The following LHPP variants were observed in gnomAD, a reference collection of about 807,000 sequenced individuals.
LHPP encodes phospholysine phosphohistidine inorganic pyrophosphate phosphatase.
Under a neutral mutation model 30.3 loss-of-function variants are expected in LHPP, and 24 were observed. The ratio of observed to expected loss-of-function variants is 0.79; its 90% CI spans 0.57 to 1.11. The LOEUF (loss-of-function observed/expected upper bound fraction) is 1.11. Ranked by LOEUF, LHPP falls within the 50% of genes most tolerant of loss-of-function variation. The pLI, the probability that LHPP is intolerant of heterozygous loss-of-function variation, is 0.00. For synonymous variants in LHPP, 150 were observed against 157.1 expected (o/e 0.95, Z 0.34); for missense variants, 356 against 367.2 (o/e 0.97, Z 0.25).
At chr10:124,558,098 C>T (rs1165116334) in intron 6 of LHPP, among the ~76,000 whole-genome samples, 2 of 152,128 alleles carry the variant, frequency 1.3e-5, no homozygotes, top group Admixed American at 6.5e-5. Flanking sequence ...GAAGCAGCCA[C>T]GTGGCTCCGT....
At chr10:124,581,702 A>G (rs961121956) in intron 6 of LHPP, among the ~76,000 whole-genome samples, 1 of 152,108 alleles carries the variant, frequency 6.6e-6, no homozygotes, top group African/African-American at 2.4e-5. Flanking sequence ...GGCCACCTGT[A>G]TGTCTTCCTT....
chr10:124,509,825 G>A (rs1017300627), intron 5 of LHPP, among the ~76,000 whole-genome samples: 3 of 151,916 alleles, frequency 2.0e-5, no homozygotes, highest in South Asian at 2.1e-4. Flanking sequence ...GCTGCTTCCC[G>A]CCCTAATCCT....
chr10:124,519,036 C>T (rs1954536562), intron 6 of LHPP, among the ~76,000 whole-genome samples: 1 of 152,204 alleles, frequency 6.6e-6, no homozygotes, highest in African/African-American at 2.4e-5. Flanking sequence ...CAACCTCCGC[C>T]TCCCAGGCTC....
chr10:124,546,822 G>A (rs1268926154), intron 6 of LHPP, among the ~76,000 whole-genome samples: 3 of 152,052 alleles, frequency 2.0e-5, no homozygotes, highest in Non-Finnish European at 4.4e-5. Flanking sequence ...TTGTCCACAG[G>A]CGTACTTACT....
intron 6 of LHPP, among the ~76,000 whole-genome samples, chr10:124,540,843 C>T (rs978338959): frequency 2.0e-5 from 3 of 152,272 alleles, no homozygotes; most frequent in Non-Finnish European, 2.9e-5. Context: ...CCAGATCTCC[C>T]GGGAGTTGGA....
intron 5 of LHPP, among the ~76,000 whole-genome samples, chr10:124,509,285 A>G (rs770335838): frequency 3.6e-4 from 54 of 152,096 alleles, no homozygotes; most frequent in Non-Finnish European, 6.5e-4. Context: ...ATACTATTCC[A>G]CTGTTCAGAC....
At chr10:124,488,980 A>G (rs1163283658) in intron 3 of LHPP, among the ~76,000 whole-genome samples, 1 of 152,214 alleles carries the variant, frequency 6.6e-6, no homozygotes, top group South Asian at 2.1e-4. Context: ...TTAGTAAAAC[A>G]TAGGCTTGAG....
At chr10:124,582,284 A>C (rs1210680476) in intron 6 of LHPP, among the ~76,000 whole-genome samples, 1 of 151,998 alleles carries the variant, frequency 6.6e-6, no homozygotes. Context: ...GGATCTTGCT[A>C]TGTTGCTCAA....
chr10:124,555,468 C>T (rs1948281967), intron 6 of LHPP, among the ~76,000 whole-genome samples: 1 of 152,082 alleles, frequency 6.6e-6, no homozygotes, highest in Non-Finnish European at 1.5e-5. Flanking sequence ...CAGCGCTTTG[C>T]AGTACACCCT....
intron 5 of LHPP, among the ~76,000 whole-genome samples, chr10:124,502,608 A>G (rs1413301929): frequency 7.0e-6 from 1 of 143,880 alleles, no homozygotes. Flanking sequence ...TGACCTCGTG[A>G]TCTGCCCGCT....
At chr10:124,484,475 A>T in intron 2 of LHPP, 149 bp downstream of exon 2, 1 of 745,770 alleles carries the variant, frequency 1.3e-6, no homozygotes, top group South Asian at 1.9e-5. Flanking sequence ...ACCTCATGGG[A>T]CTTCCTGCTG....
intron 1 of LHPP, among the ~76,000 whole-genome samples, chr10:124,477,314 C>G (rs1952980421): frequency 6.6e-6 from 1 of 152,180 alleles, no homozygotes. Flanking sequence ...TGTCCTTTCC[C>G]CTCTCTGAGG....
chr10:124,591,091 G>A (rs1377428254), intron 6 of LHPP, among the ~76,000 whole-genome samples: 2 of 152,188 alleles, frequency 1.3e-5, no homozygotes, highest in Non-Finnish European at 2.9e-5. Context: ...AAGCCGGGGG[G>A]AAGGGGGCAC....
At chr10:124,571,143 A>G (rs1948579645) in intron 6 of LHPP, among the ~76,000 whole-genome samples, 1 of 152,190 alleles carries the variant, frequency 6.6e-6, no homozygotes, top group African/African-American at 2.4e-5. Context: ...GTCACGTGGA[A>G]CTGTAAGTGC....
At chr10:124,552,407 C>T (rs1309815835) in intron 6 of LHPP, among the ~76,000 whole-genome samples, 2 of 152,102 alleles carry the variant, frequency 1.3e-5, no homozygotes, top group Non-Finnish European at 2.9e-5. Context: ...CTCTAGGCCT[C>T]CTGTCTATAC....
chr10:124,594,864 C>T (rs944072361), intron 6 of LHPP, among the ~76,000 whole-genome samples: 2 of 152,144 alleles, frequency 1.3e-5, no homozygotes, highest in South Asian at 2.1e-4. Context: ...TGCCTGATCT[C>T]GAGTGATCCA....
chr10:124,534,661 C>T (rs893642364), intron 6 of LHPP, among the ~76,000 whole-genome samples: 2 of 152,332 alleles, frequency 1.3e-5, no homozygotes, highest in East Asian at 1.9e-4. Context: ...GGGAGACAGG[C>T]GAGACCGCTG....
intron 6 of LHPP, among the ~76,000 whole-genome samples, chr10:124,584,858 G>A (rs577061493): frequency 6.6e-6 from 1 of 152,030 alleles, no homozygotes; most frequent in South Asian, 2.1e-4. Flanking sequence ...AACTTTCTGA[G>A]CACTAACATG....
chr10:124,608,376 G>C (rs918923181), intron 6 of LHPP, among the ~76,000 whole-genome samples: 1 of 152,150 alleles, frequency 6.6e-6, no homozygotes, highest in Non-Finnish European at 1.5e-5. Context: ...CCCTGGACAG[G>C]ATTGCTGAGT....
Sources: allele counts gnomAD v4.1 joint callset (sites outside exome capture counted in the v4.1 genomes callset), GRCh38; gene constraint gnomAD v4.1.1; transcripts MANE v1.5; gene names NCBI Gene and HGNC (gene_info 2026-07-23, HGNC 2026-07-21).